Variants in MARCHF5 observed in about 807,000 individuals in gnomAD.
The protein encoded by MARCHF5 is E3 ubiquitin-protein ligase MARCHF5.
MARCHF5 carries 5 observed loss-of-function variants against 36.5 expected under a neutral mutation model. The ratio of observed to expected loss-of-function variants is 0.14; its 90% confidence interval spans 0.07 to 0.29. MARCHF5 has a LOEUF of 0.29. MARCHF5 is among the 10% of genes least tolerant of loss of function. The probability of loss-of-function intolerance (pLI) is 1.00; values close to 1 mark genes in which losing one functional copy is unlikely to be tolerated. For missense variants in MARCHF5, 179 were observed against 336.3 expected, an observed-to-expected ratio of 0.53 and a Z score of 3.66; for synonymous variants, 103 against 109.9, an observed-to-expected ratio of 0.94 and a Z score of 0.39.
chr10:92,331,173 A>G (rs12412346), intron 2 of MARCHF5, among the ~76,000 whole-genome samples: 25,126 of 152,142 alleles, frequency 0.17, 2,564 homozygotes, highest in East Asian at 0.38. Flanking sequence ...TAGTGCTGCC[A>G]GCTGTTTTTA....
At chr10:92,314,344 T>TAA (rs754612929) in intron 2 of MARCHF5, among the ~76,000 whole-genome samples, 30 of 151,696 alleles carry the variant, frequency 2.0e-4, no homozygotes, top group South Asian at 6.3e-4. Context: ...ATCAGTGTTA[T>TAA]AAAAAAAAAT....
chr10:92,347,463 C>CAGAT (rs71025396), intron 3 of MARCHF5, among the ~76,000 whole-genome samples: 85 of 82,566 alleles, frequency 1.0e-3, no homozygotes, highest in African/African-American at 2.6e-3. Context: ...AACTCCGTCT[C>CAGAT]AGATAGATAG....
intron 2 of MARCHF5, among the ~76,000 whole-genome samples, chr10:92,329,920 A>G (rs1465226597): frequency 6.6e-6 from 1 of 152,190 alleles, no homozygotes; most frequent in Non-Finnish European, 1.5e-5. Flanking sequence ...ATCTTGGCTC[A>G]CTGTAACCTC....
chr10:92,301,637 G>A (rs1843013440), intron 1 of MARCHF5, among the ~76,000 whole-genome samples: 1 of 152,232 alleles, frequency 6.6e-6, no homozygotes, highest in Non-Finnish European at 1.5e-5. Flanking sequence ...TGGGGAATTG[G>A]TTCTGGGACC....
intron 2 of MARCHF5, among the ~76,000 whole-genome samples, chr10:92,328,803 A>T (rs893829049): frequency 3.2e-5 from 4 of 126,134 alleles, no homozygotes; most frequent in East Asian, 4.3e-4. Flanking sequence ...TGAGGTTATT[A>T]TATATATATA....
Position 92,351,576 on chromosome 10 carries a change from G to C in MARCHF5, c.*369G>C, listed in dbSNP as rs1287753609. 6.4e-6 allele frequency: 1 copy of C among 156,014 alleles called. No homozygotes were observed. Among genetic ancestry groups the C allele is most frequent in the Non-Finnish European group, 1.4e-5 (1 of 70,626 alleles). The allele number at this position is 156,014 out of a possible 1,614,324, so 9.7% of individuals were successfully genotyped here. A position where few individuals can be genotyped will look rare whatever the true frequency, so the allele number is the denominator to read the frequency against. ...CCTCTTTTGTACATGTTCATGTTTAGTGTTTTCTCAGAATCAGCAACTCAA... is the reference window on the plus strand; with the variant it reads ...CCTCTTTTGTACATGTTCATGTTTACTGTTTTCTCAGAATCAGCAACTCAA... On this transcript the variant is annotated 3_prime_UTR_variant, in exon 6 of 6. Transcript: ENST00000358935.
chr10:92,338,988 T>G (rs940201832), intron 2 of MARCHF5, among the ~76,000 whole-genome samples: 12 of 150,928 alleles, frequency 8.0e-5, no homozygotes, highest in Non-Finnish European at 1.6e-4. Context: ...GAGGTTGTAG[T>G]GAGCCGAGAT....
chr10:92,305,268 G>T (rs561830776), intron 1 of MARCHF5, among the ~76,000 whole-genome samples: 5 of 152,004 alleles, frequency 3.3e-5, no homozygotes, highest in African/African-American at 1.2e-4. Flanking sequence ...TTAGCCAGAC[G>T]TGGTGGCACG....
chr10:92,341,780 C>CTTTTTTTTTTTTTTTTTTTTTT (rs71025395), intron 3 of MARCHF5, among the ~76,000 whole-genome samples: 1 of 77,394 alleles, frequency 1.3e-5, no homozygotes, highest in Non-Finnish European at 2.5e-5. Context: ...AGTTTACATC[C>CTTTTTTTTTTTTTTTTTTTTTT]TTTTTTTTTT....
chr10:92,322,823 C>T (rs1388619369), intron 2 of MARCHF5, among the ~76,000 whole-genome samples: 2 of 151,124 alleles, frequency 1.3e-5, no homozygotes, highest in East Asian at 2.0e-4. Context: ...CTGCAACCTC[C>T]GCCTCCTGGG....
chr10:92,332,096 G>C (rs1444288884), intron 2 of MARCHF5, among the ~76,000 whole-genome samples: 2 of 147,728 alleles, frequency 1.4e-5, no homozygotes, highest in East Asian at 3.9e-4. Flanking sequence ...ATACTATTTT[G>C]GACCAGGCAT....
chr10:92,334,361 G>A (rs769421629), intron 2 of MARCHF5: 6 of 152,200 alleles, frequency 3.9e-5, no homozygotes, highest in Non-Finnish European at 7.3e-5. Context: ...TATCGTCTCA[G>A]AAACTTATAC....
chr10:92,327,742 C>T (rs1843383265), intron 2 of MARCHF5, among the ~76,000 whole-genome samples: 1 of 152,084 alleles, frequency 6.6e-6, no homozygotes, highest in African/African-American at 2.4e-5. Context: ...AATGCTCACT[C>T]AGGTATTTTT....
chr10:92,299,717 G>A (rs1842990170), intron 1 of MARCHF5, among the ~76,000 whole-genome samples: 1 of 152,158 alleles, frequency 6.6e-6, no homozygotes, highest in South Asian at 2.1e-4. Context: ...GAAACTGCCT[G>A]TATTCCCTAT....
intron 3 of MARCHF5, among the ~76,000 whole-genome samples, chr10:92,342,134 C>T (rs960113738): frequency 1.4e-5 from 2 of 143,688 alleles, no homozygotes; most frequent in Non-Finnish European, 3.0e-5. Flanking sequence ...TGACTCTTCA[C>T]CCCCCTCAAT....
chr10:92,330,753 T>C (rs867829328), intron 2 of MARCHF5, among the ~76,000 whole-genome samples: 2 of 152,252 alleles, frequency 1.3e-5, no homozygotes, highest in Non-Finnish European at 1.5e-5. Flanking sequence ...CATTAAGTAC[T>C]AAGAGCTTCA....
chr10:92,329,279 A>G (rs1843408790), intron 2 of MARCHF5, among the ~76,000 whole-genome samples: 1 of 152,222 alleles, frequency 6.6e-6, no homozygotes. Context: ...ATGTGTTAGC[A>G]AACTGAGATT....
intron 2 of MARCHF5, among the ~76,000 whole-genome samples, chr10:92,315,666 A>G (rs928598736): frequency 6.6e-6 from 1 of 152,166 alleles, no homozygotes; most frequent in Non-Finnish European, 1.5e-5. Context: ...AAATCATACT[A>G]TTATCATTTA....
intron 1 of MARCHF5, among the ~76,000 whole-genome samples, chr10:92,293,489 G>T (rs573533173): frequency 7.9e-5 from 12 of 152,066 alleles, no homozygotes; most frequent in African/African-American, 2.9e-4. Flanking sequence ...CAAAGAGTGA[G>T]CCTGGGCACG....
Sources: gnomAD v4.1 joint callset for allele counts (sites outside exome capture counted in the v4.1 genomes callset) on GRCh38, gnomAD v4.1.1 for gene constraint, MANE v1.5 for transcripts, NCBI Gene and HGNC (gene_info 2026-07-23, HGNC 2026-07-21) for gene names.